The following LOXL3 variants were observed in gnomAD, a reference collection of about 807,000 sequenced individuals.
The protein encoded by LOXL3 is lysyl oxidase like 3.
In LOXL3, 60 loss-of-function variants were observed where a neutral mutation model predicts 91.8. The ratio of observed to expected loss-of-function variants is 0.65; its 90% CI spans 0.53 to 0.81. LOXL3 has a LOEUF of 0.81. Among genes scored for constraint, LOXL3 ranks in the 30% least tolerant of loss-of-function variants. The probability of loss-of-function intolerance (pLI) is 0.00; values close to 1 mark genes in which losing one functional copy is unlikely to be tolerated. For synonymous variants in LOXL3, 355 were observed against 387.6 expected (o/e 0.92, Z 0.99); for missense variants, 874 against 1,000.4 (o/e 0.87, Z 1.70).
rs1676848524 is a variant in LOXL3 at position 74,549,456 on chromosome 2, T to C, written c.605A>G (p.Asp202Gly). The change falls in exon 4 of 14, where the codon GAC becomes GGC. Residue 202 changes from aspartate (D) to glycine (G), a missense_variant. Asp to Gly is a moderately conservative substitution (Grantham distance 94). Coordinates refer to ENST00000264094, the MANE Select transcript of LOXL3 (RefSeq NM_032603.5). The surrounding 1 kb of genome is among the most constrained non-coding windows in gnomAD (Gnocchi z 5.3). ...GCTGTTGTGGGCGCTCCAGCCTTTG[T>C]CGCACACTTGCGACCAGCCGTCAGG... ...RLPDGWSQVC[D>G]KGWSAHNSHV... 6.2e-7 allele frequency: 1 copy of C among 1,613,188 alleles called. No individual in the cohort carries two copies.
At position 74,535,996 on chromosome 2, in the gene LOXL3, C is replaced by A; in HGVS notation, c.1248G>T (p.Arg416Ser). 1 of 1,567,844 alleles carries A rather than the reference C, an allele frequency of 6.4e-7. No individual in the cohort carries two copies. Among genetic ancestry groups the A allele is most frequent in the Non-Finnish European group, 8.6e-7 (1 of 1,159,504 alleles). The stretch of plus-strand genomic sequence containing the variant: ...AACCAAGGTAGAGAGGATGACTGAC[C>A]CTGGTCTCTGCCCCAGTGTAAGGTA... ...CNLPYTGAET[R>S]IRLSGGRSQH... Residue 416 changes from arginine (R) to serine (S), a missense_variant and splice_region_variant, in exon 7 of 14, where the codon AGG becomes AGT. Transcript: ENST00000264094. The surrounding 1 kb of genome is among the most constrained non-coding windows in gnomAD (Gnocchi z 4.2).
chr2:74,539,841 C>T (rs1468830487), intron 4 of LOXL3: 1 of 152,712 alleles, frequency 6.5e-6, no homozygotes, highest in East Asian at 1.9e-4. Flanking sequence ...CGCTCGCTTC[C>T]TCAACTTTCT....
At chr2:74,543,769 C>T (rs114038794) in intron 4 of LOXL3, among the ~76,000 whole-genome samples, 2,143 of 151,058 alleles carry the variant, frequency 0.014, 32 homozygotes, top group Middle Eastern at 0.02. Context: ...GGCATGGTGG[C>T]GCGTGCCCGT....
chr2:74,535,209 T>C lies in LOXL3; in HGVS notation c.1579+83A>G. ...CTCTTTTATGGGGAAGAAGTGCCCC[T>C]CCAGATTACAGCCCCCTTTCCCTGC... is the stretch of plus-strand genomic sequence containing the variant. On this transcript the variant is annotated intron_variant, in intron 9 of 13. Transcript: ENST00000264094. The surrounding 1 kb of genome is among the most constrained non-coding windows in gnomAD (Gnocchi z 4.2). 2.0e-6 allele frequency: 3 copies of C among 1,472,848 alleles called. No individual in the cohort carries two copies. Among genetic ancestry groups the C allele is most frequent in the Non-Finnish European group, 2.7e-6 (3 of 1,092,374 alleles). 91.2% of individuals were successfully genotyped at this position (1,472,848 alleles called of 1,614,324 possible).
chr2:74,532,949 A>G lies in LOXL3; in HGVS notation c.*657T>C, dbSNP rs142959433. On this transcript the variant is annotated 3_prime_UTR_variant, in exon 14 of 14. Transcript: ENST00000264094. ...TGCAGATCCGGCGGGGACGAGAAACACTGACCTTATATGTGACCCCTGAGG... is the reference window on the plus strand; with the variant it reads ...TGCAGATCCGGCGGGGACGAGAAACGCTGACCTTATATGTGACCCCTGAGG... The G allele has an allele frequency of 1.1e-5, 18 of 1,613,946 alleles. No homozygotes were observed. Among genetic ancestry groups the G allele is most frequent in the East Asian group, 2.2e-5 (1 of 44,890 alleles).
chr2:74,549,029 T>G lies in LOXL3; in HGVS notation c.692+340A>C, dbSNP rs1486961354. On this transcript the variant is annotated intron_variant, in intron 4 of 13. Transcript: ENST00000264094. The surrounding 1 kb of genome is among the most constrained non-coding windows in gnomAD (Gnocchi z 5.3). The stretch of plus-strand genomic sequence containing the variant: ...CGTCCTTACTGAACTCGGAAATCGC[T>G]GGCCGGCAGCGCCAGCGCTGGAATC... 5.7e-6 allele frequency: 1 copy of G among 175,386 alleles called. No individual in the cohort carries two copies. Among genetic ancestry groups the G allele is most frequent in the African/African-American group, 2.4e-5 (1 of 42,150 alleles). The allele number at this position is 175,386 out of a possible 1,614,324, so 10.9% of individuals were successfully genotyped here.
At position 74,543,418 on chromosome 2, in the gene LOXL3, A is replaced by G. The variant is rs377011382; in HGVS notation, c.692+5951T>C. 3.9e-4 allele frequency among the ~76,000 whole-genome samples: 59 copies of G among 152,280 alleles called. 1 individual carries two copies. The highest frequency in any genetic ancestry group is 1.4e-3 in the African/African-American group (58 of 41,548). Reference sequence around the variant, plus strand: ...AATCTGAAATGTAATGTAGGTCCAAAAAAAAAAGATAATTATCTCAGTAAA... The same window carrying G: ...AATCTGAAATGTAATGTAGGTCCAAGAAAAAAAGATAATTATCTCAGTAAA... On this transcript the variant is annotated intron_variant, in intron 4 of 13. Coordinates refer to ENST00000264094, the MANE Select transcript of LOXL3 (RefSeq NM_032603.5).
Position 74,533,369 on chromosome 2 carries a change from C to A in LOXL3, c.*237G>T, listed in dbSNP as rs71640295. 0.011 allele frequency: 6,247 copies of A among 549,442 alleles called. 139 individuals are homozygous for A. The highest frequency in any genetic ancestry group is 0.061 in the African/African-American group (3,228 of 52,928). 34.0% of individuals were successfully genotyped at this position (549,442 alleles called of 1,614,324 possible). On this transcript the variant is annotated 3_prime_UTR_variant, in exon 14 of 14. Transcript: ENST00000264094. ...GCTGCTCTTTGTGGTGTGGTGGGCT[C>A]TGGTCTGTTCTGCTCGGTGCTGGGC... is the stretch of plus-strand genomic sequence containing the variant.
rs551992223 is a variant in LOXL3 at position 74,534,227 on chromosome 2, T to C, written c.1949A>G (p.Lys650Arg). 3 of 1,614,050 alleles carry C rather than the reference T, an allele frequency of 1.9e-6. No individual in the cohort carries two copies. The South Asian group carries it at 3.3e-5, about 18-fold the overall frequency. The part of the protein sequence containing the change: ...EDTECQEDVS[K>R]RYECANFGEQ... ...TCCAAAGTTGGCACACTCATACCGC[T>C]TGGAGACATCTGGAGGGATTGGCAT... The change falls in exon 12 of 14, where the codon AAG becomes AGG. Residue 650 changes from lysine (K) to arginine (R), a missense_variant. Coordinates refer to ENST00000264094, the MANE Select transcript of LOXL3 (RefSeq NM_032603.5).
At chr2:74,552,940 A>AT (rs1677115176) in intron 1 of LOXL3, 1 of 347,188 alleles carries the variant, frequency 2.9e-6, no homozygotes, top group Admixed American at 4.5e-5. Context: ...ACTGAGCAAG[A>AT]GACACGTAGA....
In LOXL3 at chr2:74,534,066, A is replaced by G. The variant is rs777280011; in HGVS notation, c.2076+34T>C. On this transcript the variant is annotated intron_variant, in intron 12 of 13. Coordinates refer to ENST00000264094, the MANE Select transcript of LOXL3 (RefSeq NM_032603.5). ...CAAAGGTGTCTTTAACGCTCCCCCC[A>G]CTCACCCATCTGGAAGCCCCAGACT... The G allele has an allele frequency of 6.8e-6, 11 of 1,612,416 alleles. No homozygotes were observed. In the Admixed American group the frequency reaches 1.5e-4, roughly 22 times the overall value.
intron 4 of LOXL3, among the ~76,000 whole-genome samples, chr2:74,544,751 C>G (rs1676508999): frequency 6.6e-6 from 1 of 152,192 alleles, no homozygotes; most frequent in South Asian, 2.1e-4. Flanking sequence ...TAAAAGCCAG[C>G]AGATCCATTT....
At chr2:74,552,915 T>C (rs76631475) in intron 1 of LOXL3, 9,362 of 411,044 alleles carry the variant, frequency 0.023, 141 homozygotes, top group African/African-American at 0.036. Flanking sequence ...GAAGGGTCAA[T>C]AAAAAGAGAT....
chr2:74,543,465 GT>G, intron 4 of LOXL3, among the ~76,000 whole-genome samples: 1 of 152,146 alleles, frequency 6.6e-6, no homozygotes. Flanking sequence ...AAACCTAGGG[GT>G]CAATCCTGAC....
In LOXL3 at chr2:74,532,602, G is replaced by T; in HGVS notation, c.*1004C>A. ...AATGCCTGGGTTTGGCTAATAGGGT[G>T]ATCTGTGTACTTTCAGCATCCTTGC... On this transcript the variant is annotated 3_prime_UTR_variant, in exon 14 of 14. Transcript: ENST00000264094. 6.2e-7 allele frequency: 1 copy of T among 1,609,734 alleles called. No individual in the cohort carries two copies. Among genetic ancestry groups the T allele is most frequent in the South Asian group, 1.1e-5 (1 of 90,678 alleles).
chr2:74,550,202 C>T lies in LOXL3; in HGVS notation c.460G>A (p.Asp154Asn). The T allele has an allele frequency of 6.2e-7, 1 of 1,613,686 alleles. No homozygotes were observed. Reference protein sequence around the residue: ...CKDQRLPGFSDSNVIEVEHHL... With the variant: ...CKDQRLPGFSNSNVIEVEHHL... Reference sequence around the variant, plus strand: ...ATGCAGACCTCAATGACATTGGAGTCCGAGAAGCCAGGGAGGCGCTGGTCT... The same window carrying T: ...ATGCAGACCTCAATGACATTGGAGTTCGAGAAGCCAGGGAGGCGCTGGTCT... The change falls in exon 3 of 14, where the codon GAC becomes AAC. Residue 154 changes from aspartate (D) to asparagine (N), a missense_variant. Physicochemically the swap from Asp to Asn is conservative, Grantham distance 23 (BLOSUM62 1). Coordinates refer to ENST00000264094, the MANE Select transcript of LOXL3 (RefSeq NM_032603.5).
upstream of LOXL3, chr2:74,554,720 A>T (rs773554847): frequency 3.8e-6 from 6 of 1,592,364 alleles, no homozygotes; most frequent in Non-Finnish European, 5.2e-6. This position sits in a 1 kb window ranked among gnomAD's most constrained non-coding sequence, Gnocchi z 4.9. Context: ...CTCCCGCCGC[A>T]GGGCCAGGAA....
chr2:74,537,529 T>TATGCAAGAATGAAGATGTATAA (rs1245225560), intron 4 of LOXL3, among the ~76,000 whole-genome samples: 18 of 152,172 alleles, frequency 1.2e-4, no homozygotes, highest in African/African-American at 4.3e-4. Flanking sequence ...GGGACTGGCA[T>TATGCAAGAATGAAGATGTATAA]ATGCAAGAAT....
upstream of LOXL3, chr2:74,554,419 C>A (rs933374783): frequency 2.5e-5 from 9 of 365,698 alleles, no homozygotes; most frequent in Admixed American, 8.9e-5. This position sits in a 1 kb window ranked among gnomAD's most constrained non-coding sequence, Gnocchi z 4.9. Context: ...GGGGTGATGT[C>A]ATGGCTTTCA....
Sources: gnomAD v4.1 joint callset for allele counts (sites outside exome capture counted in the v4.1 genomes callset) on GRCh38, gnomAD v4.1.1 for gene constraint, Gnocchi (gnomAD v3.1) non-coding constraint, MANE v1.5 for transcripts, NCBI Gene and HGNC (gene_info 2026-07-23, HGNC 2026-07-21) for gene names.